DRC1: variants seen among roughly 807,000 people sequenced by gnomAD.
The protein encoded by DRC1 is dynein regulatory complex protein 1.
A neutral mutation model predicts 98.7 loss-of-function variants in DRC1; 74 were observed. The ratio of observed to expected loss-of-function variants is 0.75; its 90% CI spans 0.62 to 0.91. DRC1 has a LOEUF of 0.91. DRC1 is among the 40% of genes least tolerant of loss of function. The pLI is 0.00. For missense variants in DRC1, 875 were observed against 886.0 expected (o/e 0.99, Z 0.16); for synonymous variants, 336 against 334.1 (o/e 1.01, Z -0.06).
At chr2:26,433,388 A>G (rs1417721902) in intron 7 of DRC1, among the ~76,000 whole-genome samples, 1 of 152,218 alleles carries the variant, frequency 6.6e-6, no homozygotes, top group Non-Finnish European at 1.5e-5. Context: ...CCATTGGGTT[A>G]CAAATATATT....
intron 3 of DRC1, among the ~76,000 whole-genome samples, chr2:26,422,642 G>A (rs1345033022): frequency 1.3e-5 from 2 of 152,126 alleles, no homozygotes; most frequent in South Asian, 2.1e-4. Context: ...GGCCAGGCAC[G>A]GGGTGGCCCA....
rs763631774 is a variant in DRC1, at chr2:26,456,481, T to TCCTC, written c.2190_2193dup (p.Thr732SerfsTer18). 455 of 1,614,018 alleles carry TCCTC rather than the reference T, an allele frequency of 2.8e-4. No individual in the cohort carries two copies. The highest frequency in any genetic ancestry group is 3.6e-4 in the Non-Finnish European group (422 of 1,180,004). On this transcript the variant is annotated frameshift_variant, in exon 17 of 17. Coordinates refer to ENST00000288710, the MANE Select transcript of DRC1 (RefSeq NM_145038.5). LOFTEE classifies it high-confidence loss of function. ...TCCAGATCAACTCTGAACTGCAAGT[T>TCCTC]CCTCCCACTCAGGTGTTGCGGGTAC...
chr2:26,430,112 C>T (rs373012988), intron 5 of DRC1, among the ~76,000 whole-genome samples: 5 of 152,070 alleles, frequency 3.3e-5, no homozygotes, highest in South Asian at 2.1e-4. Context: ...GAAAATAAGA[C>T]GAGCAAGAGG....
Position 26,455,074 on chromosome 2 carries a change from C to T in DRC1, c.2064-57C>T, listed in dbSNP as rs114082543. ...AGTACAACCACCAAGACCCTGGCCC[C>T]TACTTGGCAGAGGATGGAGGATTCA... On this transcript the variant is annotated intron_variant, in intron 15 of 16. Transcript: ENST00000288710. 5.8e-4 allele frequency: 917 copies of T among 1,589,894 alleles called. 10 individuals are homozygous for T. The African/African-American group carries it at 0.011, about 20-fold the overall frequency.
chr2:26,413,821 G>A (rs1053020007), intron 1 of DRC1, among the ~76,000 whole-genome samples: 2 of 151,880 alleles, frequency 1.3e-5, no homozygotes, highest in Non-Finnish European at 2.9e-5. Context: ...TTTATTTTCT[G>A]ACTTTGGTCT....
At chr2:26,429,534 T>C (rs1221709787) in intron 4 of DRC1, 94 bp from the exon 5 acceptor site, 3 of 1,495,690 alleles carry the variant, frequency 2.0e-6, no homozygotes, top group African/African-American at 1.4e-5. Flanking sequence ...GTCCTAACAT[T>C]GACAGATTCT....
At chr2:26,414,285 T>G in intron 1 of DRC1, 59 bp from the exon 2 acceptor site, 1 of 1,586,328 alleles carries the variant, frequency 6.3e-7, no homozygotes, top group Non-Finnish European at 8.6e-7. Flanking sequence ...CCAAAACCTT[T>G]AAATATAGAA....
rs374715318 is a variant in DRC1, at chr2:26,430,878, G to A, written c.765+6G>A. On this transcript the variant is annotated splice_donor_region_variant and intron_variant, in intron 6 of 16. Transcript: ENST00000288710. ...AGGCTCATAATGCCAAAGAGGTAAA[G>A]GGTGGAGCCTGTCAAGAGTGATCCG... 34 of 1,613,636 alleles carry A rather than the reference G, an allele frequency of 2.1e-5. No homozygotes were observed. The highest frequency in any genetic ancestry group is 3.3e-5 in the Admixed American group (2 of 59,970).
chr2:26,416,642 TA>T (rs1205743023), intron 2 of DRC1, among the ~76,000 whole-genome samples: 1 of 152,208 alleles, frequency 6.6e-6, no homozygotes, highest in Non-Finnish European at 1.5e-5. Context: ...TGTAGATTTT[TA>T]GTTGACCCAG....
At position 26,446,537 on chromosome 2, in the gene DRC1, T is replaced by A. The variant is rs553864275; in HGVS notation, c.1396+1589T>A. ...TAAATCATGAGTTCATTCTAATACC[T>A]CCTCATCAACAGGATGCCAGGATTT... On this transcript the variant is annotated intron_variant, in intron 10 of 16. Transcript: ENST00000288710. 2.6e-5 allele frequency among the ~76,000 whole-genome samples: 4 copies of A among 152,270 alleles called. No homozygotes were observed. The East Asian group carries it at 7.7e-4, about 29-fold the overall frequency.
chr2:26,418,322 A>G (rs1558437724), intron 2 of DRC1, among the ~76,000 whole-genome samples: 1 of 151,056 alleles, frequency 6.6e-6, no homozygotes. Flanking sequence ...TTGGATGTGC[A>G]GTTGGGGAAA....
intron 16 of DRC1, among the ~76,000 whole-genome samples, chr2:26,455,643 A>G (rs1664135044): frequency 6.6e-6 from 1 of 152,200 alleles, no homozygotes; most frequent in African/African-American, 2.4e-5. Flanking sequence ...GACAATCACA[A>G]CTTGCAGAGT....
chr2:26,441,595 C>T (rs1217983471), intron 8 of DRC1, among the ~76,000 whole-genome samples: 1 of 151,946 alleles, frequency 6.6e-6, no homozygotes, highest in Non-Finnish European at 1.5e-5. Context: ...GGGGTGGGGA[C>T]ATGAATTGGC....
intron 10 of DRC1, among the ~76,000 whole-genome samples, chr2:26,447,926 C>T (rs949247274): frequency 3.3e-5 from 5 of 151,380 alleles, no homozygotes; most frequent in Middle Eastern, 6.3e-3. Flanking sequence ...TCAGTTCTTG[C>T]TGTTAATATT....
chr2:26,433,806 G>A (rs1264672871), intron 7 of DRC1, among the ~76,000 whole-genome samples: 3 of 152,156 alleles, frequency 2.0e-5, no homozygotes, highest in East Asian at 1.9e-4. Context: ...ACTGATGGTG[G>A]CATGTGTGCA....
chr2:26,430,809 A>T lies in DRC1; in HGVS notation c.702A>T (p.Gln234His). ...AGAAAGCATTTGAGGTGGAACGCCA[A>T]GAGCTACTGGCCAGTAATAAGAAGA... ...NIEKAFEVER[Q>H]ELLASNKKKW... The change falls in exon 6 of 17, where the codon CAA (glutamine) becomes CAT (histidine). Residue 234 changes from glutamine to histidine, a missense_variant. Gln to His is a conservative substitution (Grantham distance 24). Coordinates refer to ENST00000288710, the MANE Select transcript of DRC1 (RefSeq NM_145038.5). The T allele has an allele frequency of 6.2e-7, 1 of 1,614,172 alleles. No homozygotes were observed. Among genetic ancestry groups the T allele is most frequent in the Non-Finnish European group, 8.5e-7 (1 of 1,180,010 alleles).
At chr2:26,452,092 G>T (rs567259483) in intron 13 of DRC1, among the ~76,000 whole-genome samples, 1 of 67,758 alleles carries the variant, frequency 1.5e-5, no homozygotes, top group Non-Finnish European at 4.6e-5. Flanking sequence ...TTATGTTGGC[G>T]CAAAAAAAAA....
intron 1 of DRC1, among the ~76,000 whole-genome samples, chr2:26,403,422 T>C (rs186212974): frequency 4.3e-4 from 65 of 152,372 alleles, no homozygotes; most frequent in African/African-American, 1.4e-3. Flanking sequence ...CCCTGTGCTC[T>C]GCTTATTCAT....
intron 1 of DRC1, among the ~76,000 whole-genome samples, chr2:26,405,531 T>G (rs1278730734): frequency 6.6e-6 from 1 of 151,614 alleles, no homozygotes; most frequent in Non-Finnish European, 1.5e-5. Flanking sequence ...AGGTAGGTGG[T>G]CAGTGAGGGT....
Sources: allele counts gnomAD v4.1 joint callset (sites outside exome capture counted in the v4.1 genomes callset), GRCh38; gene constraint gnomAD v4.1.1; transcripts MANE v1.5; gene names NCBI Gene and HGNC (gene_info 2026-07-23, HGNC 2026-07-21).